Variants in SLC4A4 observed in about 807,000 individuals in gnomAD.
The protein encoded by SLC4A4 is solute carrier family 4 member 4.
In SLC4A4, 27 loss-of-function variants were observed where a neutral mutation model predicts 111.5. The ratio of observed to expected loss-of-function variants is 0.24; its 90% CI spans 0.18 to 0.33. The LOEUF (loss-of-function observed/expected upper bound fraction) is 0.33. Ranked by LOEUF, SLC4A4 falls within the 10% of genes least tolerant of loss-of-function variation. The pLI is 1.00. For missense variants in SLC4A4, 909 were observed against 1,315.5 expected (o/e 0.69, Z 4.78); for synonymous variants, 443 against 463.4 (o/e 0.96, Z 0.57).
At chr4:71,486,147 C>G (rs891349095) in intron 14 of SLC4A4, among the ~76,000 whole-genome samples, 3 of 151,402 alleles carry the variant, frequency 2.0e-5, no homozygotes, top group Non-Finnish European at 4.4e-5. Flanking sequence ...TATAATATTT[C>G]TATAAATTAG....
At chr4:71,184,377 C>T (rs1427075478), upstream of SLC4A4, among the ~76,000 whole-genome samples, 1 of 152,156 alleles carries the variant, frequency 6.6e-6, no homozygotes, top group Non-Finnish European at 1.5e-5. Flanking sequence ...GTCGTCATCA[C>T]CTGCTGCCAC....
intron 3 of SLC4A4, among the ~76,000 whole-genome samples, chr4:71,281,174 A>G (rs1358947080): frequency 1.3e-5 from 2 of 152,322 alleles, no homozygotes; most frequent in South Asian, 4.1e-4. Context: ...TGAGTTAGAC[A>G]ATGGATGCTC....
At chr4:71,170,424 C>T (rs1035137364) in intron 2 of SLC4A4, among the ~76,000 whole-genome samples, 1 of 152,014 alleles carries the variant, frequency 6.6e-6, no homozygotes, top group African/African-American at 2.4e-5. Context: ...GAAAACTTAC[C>T]CATATTTTAC....
upstream of SLC4A4, among the ~76,000 whole-genome samples, chr4:71,183,062 T>A (rs1444824433): frequency 2.6e-5 from 4 of 152,218 alleles, no homozygotes; most frequent in Non-Finnish European, 5.9e-5. Flanking sequence ...CTATCACATA[T>A]TGTTCAATTT....
At chr4:71,242,372 T>C (rs1720314655) in intron 2 of SLC4A4, among the ~76,000 whole-genome samples, 1 of 152,206 alleles carries the variant, frequency 6.6e-6, no homozygotes, top group Non-Finnish European at 1.5e-5. Flanking sequence ...TATTGTTTAT[T>C]TTATTCAAGT....
At chr4:71,563,729 C>A in intron 23 of SLC4A4, 64 bp from the exon 24 acceptor site, 1 of 1,002,452 alleles carries the variant, frequency 1.0e-6, no homozygotes. Context: ...TTGATCGATG[C>A]TAGGAGATAG....
At chr4:71,509,649 T>G (rs1366155609) in intron 16 of SLC4A4, among the ~76,000 whole-genome samples, 1 of 152,096 alleles carries the variant, frequency 6.6e-6, no homozygotes, top group Non-Finnish European at 1.5e-5. Context: ...GCATGATGGG[T>G]CAGCAGGCTG....
intron 15 of SLC4A4, among the ~76,000 whole-genome samples, chr4:71,488,913 T>C (rs180972364): frequency 2.0e-5 from 3 of 151,458 alleles, no homozygotes; most frequent in African/African-American, 7.3e-5. Flanking sequence ...TGTGTGTGTG[T>C]GTGTGTGTGT....
chr4:71,081,987 A>G (rs1380265973), intron 1 of SLC4A4, among the ~76,000 whole-genome samples: 1 of 151,928 alleles, frequency 6.6e-6, no homozygotes, highest in East Asian at 1.9e-4. Flanking sequence ...ACTGCCTTTC[A>G]ACCCTTAGGT....
chr4:71,121,009 T>A (rs557539807), intron 2 of SLC4A4, among the ~76,000 whole-genome samples: 1 of 152,038 alleles, frequency 6.6e-6, no homozygotes, highest in Non-Finnish European at 1.5e-5. Flanking sequence ...GCTCGGTAGG[T>A]CCCGCACTTG....
chr4:71,260,609 T>C (rs1721788477), intron 3 of SLC4A4, among the ~76,000 whole-genome samples: 1 of 152,206 alleles, frequency 6.6e-6, no homozygotes, highest in Non-Finnish European at 1.5e-5. Flanking sequence ...CAAAAGCTTT[T>C]TATATTAAAA....
chr4:71,475,051 G>T (rs1728233256), intron 14 of SLC4A4, among the ~76,000 whole-genome samples: 1 of 151,698 alleles, frequency 6.6e-6, no homozygotes, highest in Admixed American at 6.6e-5. Flanking sequence ...TTAATTGTGA[G>T]ATTTTCAGCC....
At chr4:71,520,076 T>A (rs1346559741) in intron 16 of SLC4A4, among the ~76,000 whole-genome samples, 1 of 152,212 alleles carries the variant, frequency 6.6e-6, no homozygotes, top group Non-Finnish European at 1.5e-5. Flanking sequence ...TAAATAGTGT[T>A]TTATAATTAA....
At chr4:71,267,233 G>A (rs2149075428) in intron 3 of SLC4A4, among the ~76,000 whole-genome samples, 1 of 152,286 alleles carries the variant, frequency 6.6e-6, no homozygotes, top group Non-Finnish European at 1.5e-5. Context: ...CTGTTGGAGT[G>A]TGGCCCATGG....
rs994393227 is a variant in SLC4A4, at chr4:71,563,869, G to T, written c.3176G>T (p.Ser1059Ile). ...MDIMEQQPFL[S>I]DSKPSDRERS... The stretch of plus-strand genomic sequence containing the variant: ...ATCATGGAACAGCAACCTTTCCTAA[G>T]CGATAGCAAACCTTCTGACAGTGAG... Residue 1059 changes from serine to isoleucine, a missense_variant, in exon 24 of 26, where the codon AGC becomes ATC. Ser to Ile is a moderately radical substitution (Grantham distance 142). Transcript: ENST00000264485. 6.2e-7 allele frequency: 1 copy of T among 1,610,052 alleles called. No homozygotes were observed. Among genetic ancestry groups the T allele is most frequent in the Non-Finnish European group, 8.5e-7 (1 of 1,177,058 alleles).
chr4:71,468,498 G>T (rs529371084), intron 13 of SLC4A4, among the ~76,000 whole-genome samples: 102 of 151,966 alleles, frequency 6.7e-4, no homozygotes, highest in African/African-American at 2.1e-3. Flanking sequence ...ACATAACATA[G>T]TTCCAAGTGA....
chr4:71,077,679 A>G (rs559450671), intron 1 of SLC4A4, among the ~76,000 whole-genome samples: 83 of 152,342 alleles, frequency 5.4e-4, no homozygotes, highest in Middle Eastern at 6.8e-3. Context: ...GTTTGGCTAC[A>G]GGCTATCTAT....
chr4:71,308,590 G>A (rs1235034624), intron 3 of SLC4A4, among the ~76,000 whole-genome samples: 1 of 152,166 alleles, frequency 6.6e-6, no homozygotes, highest in Non-Finnish European at 1.5e-5. Flanking sequence ...GAAGCAGAGG[G>A]GGTTGTCGCC....
chr4:71,080,217 T>A (rs1244422334), intron 1 of SLC4A4, among the ~76,000 whole-genome samples: 4 of 152,196 alleles, frequency 2.6e-5, no homozygotes, highest in African/African-American at 9.6e-5. Context: ...ACGCTATGTG[T>A]TTATACCTGT....
Sources: gnomAD v4.1 joint callset for allele counts (sites outside exome capture counted in the v4.1 genomes callset) on GRCh38, gnomAD v4.1.1 for gene constraint, MANE v1.5 for transcripts, NCBI Gene and HGNC (gene_info 2026-07-23, HGNC 2026-07-21) for gene names.